The following ALK variants were observed in gnomAD, a reference collection of about 807,000 sequenced individuals.
ALK encodes the protein ALK receptor tyrosine kinase.
In ALK, 74 loss-of-function variants were observed where a neutral mutation model predicts 163.1. The observed-to-expected ratio is 0.45, with a 90% confidence interval of 0.38 to 0.55. The LOEUF is 0.55. ALK is among the 20% of genes least tolerant of loss of function. ALK has a pLI of 0.00. For missense variants in ALK, 2,063 were observed against 2,105.3 expected (o/e 0.98, Z 0.39); for synonymous variants, 960 against 843.2 (o/e 1.14, Z -2.40).
At chr2:29,591,641 G>A (rs1273233881) in intron 3 of ALK, among the ~76,000 whole-genome samples, 1 of 152,184 alleles carries the variant, frequency 6.6e-6, no homozygotes, top group Non-Finnish European at 1.5e-5. Flanking sequence ...CTCACTAAAG[G>A]TCAGAGAGAA....
chr2:29,457,238 G>T (rs928453173), intron 4 of ALK, among the ~76,000 whole-genome samples: 2 of 152,072 alleles, frequency 1.3e-5, no homozygotes, highest in Non-Finnish European at 2.9e-5. Context: ...AAATGTAGGA[G>T]CTGGAATCTT....
intron 1 of ALK, among the ~76,000 whole-genome samples, chr2:29,897,518 G>C (rs1158574085): frequency 6.6e-6 from 1 of 152,074 alleles, no homozygotes; most frequent in Non-Finnish European, 1.5e-5. Context: ...GTGGTGGGGT[G>C]GGGGCCCCAG....
intron 3 of ALK, among the ~76,000 whole-genome samples, chr2:29,580,864 G>A (rs1320530665): frequency 6.6e-6 from 1 of 152,206 alleles, no homozygotes; most frequent in Non-Finnish European, 1.5e-5. Flanking sequence ...GGGTTTTGCT[G>A]AGGGACGGCT....
At chr2:29,776,207 AAT>A (rs1681170807) in intron 1 of ALK, among the ~76,000 whole-genome samples, 1 of 138,014 alleles carries the variant, frequency 7.2e-6, no homozygotes, top group Admixed American at 8.0e-5. Flanking sequence ...ACGCTAAGAA[AAT>A]GCAATGGAAT....
At chr2:29,755,778 C>G (rs1208961527) in intron 1 of ALK, among the ~76,000 whole-genome samples, 1 of 152,182 alleles carries the variant, frequency 6.6e-6, no homozygotes, top group Non-Finnish European at 1.5e-5. Flanking sequence ...CAAGGCTGTG[C>G]TGTTCCTGCG....
At chr2:29,396,336 C>T (rs902655469) in intron 4 of ALK, among the ~76,000 whole-genome samples, 11 of 152,116 alleles carry the variant, frequency 7.2e-5, no homozygotes, top group Admixed American at 6.5e-4. Context: ...ACCTTCAGCC[C>T]GAGGAGGGGT....
At chr2:29,888,823 TC>T (rs1292286558) in intron 1 of ALK, among the ~76,000 whole-genome samples, 3 of 152,212 alleles carry the variant, frequency 2.0e-5, no homozygotes, top group Non-Finnish European at 4.4e-5. Context: ...AGATGTTTCC[TC>T]ACAATCAGAA....
At chr2:29,379,973 C>T (rs1408827213) in intron 5 of ALK, among the ~76,000 whole-genome samples, 1 of 152,158 alleles carries the variant, frequency 6.6e-6, no homozygotes. Flanking sequence ...CTCATGGTTC[C>T]ACAGGCTGTA....
rs1460977682 is a variant in ALK at position 29,227,676 on chromosome 2, A to G, written c.2816-4T>C. The G allele has an allele frequency of 6.2e-7, 1 of 1,613,094 alleles. No individual in the cohort carries two copies. Among genetic ancestry groups the G allele is most frequent in the African/African-American group, 1.3e-5 (1 of 74,904 alleles). On this transcript the variant is annotated splice_polypyrimidine_tract_variant and splice_region_variant and intron_variant, in intron 16 of 28. Coordinates refer to ENST00000389048, the MANE Select transcript of ALK (RefSeq NM_004304.5). The surrounding 1 kb of genome is among the most constrained non-coding windows in gnomAD (Gnocchi z 4.4). ...TTGTTTGAGGCTGCATTGCCGCCTGAGTAGCAAACCAGAGCAGAGTTTAAC... is the reference window on the plus strand; with the variant it reads ...TTGTTTGAGGCTGCATTGCCGCCTGGGTAGCAAACCAGAGCAGAGTTTAAC...
intron 1 of ALK, among the ~76,000 whole-genome samples, chr2:29,785,197 G>A (rs896806503): frequency 5.9e-5 from 9 of 152,002 alleles, no homozygotes; most frequent in Admixed American, 2.0e-4. Flanking sequence ...CCTGGTGCAC[G>A]TAAGCTCATG....
chr2:29,655,671 A>C (rs1293188113), intron 3 of ALK, among the ~76,000 whole-genome samples: 1 of 152,212 alleles, frequency 6.6e-6, no homozygotes, highest in Non-Finnish European at 1.5e-5. Flanking sequence ...GTAAGGTCTC[A>C]GCTCATTTCA....
intron 5 of ALK, among the ~76,000 whole-genome samples, chr2:29,330,711 T>A (rs1667416339): frequency 6.6e-6 from 1 of 151,494 alleles, no homozygotes; most frequent in South Asian, 2.1e-4. Context: ...GGTTGGGGGG[T>A]ATGGGCAATG....
chr2:29,331,211 T>C (rs1205719474), intron 5 of ALK, among the ~76,000 whole-genome samples: 1 of 152,348 alleles, frequency 6.6e-6, no homozygotes, highest in South Asian at 2.1e-4. Context: ...CATTCGTTCC[T>C]GGGCCTCAAG....
rs141720931 is a variant in ALK at position 29,318,370 on chromosome 2, G to A, written c.1581C>T (p.Pro527=). 9.9e-6 allele frequency: 16 copies of A among 1,613,794 alleles called. No individual in the cohort carries two copies. The highest frequency in any genetic ancestry group is 6.7e-5 in the Admixed American group (4 of 59,994). ...HALLLSTTDV[P]ASESATVTSA... ...TGGTCACTGTAGCACTTTCAGAAGC[G>A]GGGACATCAGTGGTACTGAGCAATA... is the stretch of plus-strand genomic sequence containing the variant. The change falls in exon 8 of 29, where the codon CCC becomes CCT. Residue 527 remains proline (P), a synonymous_variant. Coordinates refer to ENST00000389048, the MANE Select transcript of ALK (RefSeq NM_004304.5).
intron 1 of ALK, among the ~76,000 whole-genome samples, chr2:29,821,314 C>A (rs1235300887): frequency 1.3e-5 from 2 of 152,092 alleles, no homozygotes; most frequent in African/African-American, 4.8e-5. Flanking sequence ...CTCTCTCAGG[C>A]TCTAGCTTGG....
chr2:29,259,330 C>T (rs977679599), intron 11 of ALK, among the ~76,000 whole-genome samples: 1 of 152,096 alleles, frequency 6.6e-6, no homozygotes, highest in Non-Finnish European at 1.5e-5. Context: ...ATAGCTGCCC[C>T]GGGCAGATAG....
chr2:29,573,872 T>G (rs531421811), intron 3 of ALK, among the ~76,000 whole-genome samples: 1 of 152,012 alleles, frequency 6.6e-6, no homozygotes, highest in East Asian at 1.9e-4. Flanking sequence ...GTGATGGGCA[T>G]GGGTGGGTGG....
At chr2:29,582,018 AT>A (rs1328396699) in intron 3 of ALK, among the ~76,000 whole-genome samples, 1 of 152,210 alleles carries the variant, frequency 6.6e-6, no homozygotes, top group East Asian at 1.9e-4. Flanking sequence ...CAAGTCGAGC[AT>A]TCATTCAACA....
At chr2:29,783,487 G>A (rs566896378) in intron 1 of ALK, among the ~76,000 whole-genome samples, 1 of 152,238 alleles carries the variant, frequency 6.6e-6, no homozygotes, top group African/African-American at 2.4e-5. Flanking sequence ...TGAGAAATCA[G>A]ACACATAAAA....
Sources: allele counts gnomAD v4.1 joint callset (sites outside exome capture counted in the v4.1 genomes callset), GRCh38; gene constraint gnomAD v4.1.1; non-coding constraint Gnocchi (gnomAD v3.1); transcripts MANE v1.5; gene names NCBI Gene and HGNC (gene_info 2026-07-23, HGNC 2026-07-21).